The following MATN4 variants were observed in gnomAD, a reference collection of about 807,000 sequenced individuals.
The protein encoded by MATN4 is matrilin 4.
Under a neutral mutation model 54.6 loss-of-function variants are expected in MATN4, and 40 were observed. The observed-to-expected ratio is 0.73, with a 90% CI of 0.57 to 0.95. MATN4 has a LOEUF of 0.95. Among genes scored for constraint, MATN4 ranks in the 40% least tolerant of loss-of-function variants. The probability of loss-of-function intolerance (pLI) is 0.00; values close to 1 mark genes in which losing one functional copy is unlikely to be tolerated. For synonymous variants in MATN4, 351 were observed against 345.3 expected (o/e 1.02, Z -0.18); for missense variants, 810 against 819.1 (o/e 0.99, Z 0.13).
rs1178429274 is a variant in MATN4 at position 45,298,442 on chromosome 20, C to T, written c.1154G>A (p.Gly385Glu). Residue 385 changes from glycine to glutamate, a missense_variant, in exon 7 of 10, where the codon GGG becomes GAG. By Grantham distance (98) the Gly-to-Glu change is moderately conservative. Transcript: ENST00000372756. This position sits in a 1 kb window ranked among gnomAD's most constrained non-coding sequence, Gnocchi z 4.6. ...LDVSPEGTRV[G>E]LVQFSSRVRT... is the part of the protein sequence containing the mutation. ...CACGCGGCTCGAGAACTGCACCAGC[C>T]CCACCCGCGTGCCCTCGGGGGACAC... 6.2e-7 allele frequency: 1 copy of T among 1,613,700 alleles called. No homozygotes were observed. The highest frequency in any genetic ancestry group is 8.5e-7 in the Non-Finnish European group (1 of 1,180,012).
At position 45,304,416 on chromosome 20, in the gene MATN4, T is replaced by C. The variant is rs1007350033; in HGVS notation, c.455A>G (p.Asp152Gly). 7.9e-6 allele frequency: 12 copies of C among 1,526,992 alleles called. No individual in the cohort carries two copies. Among genetic ancestry groups the C allele is most frequent in the Non-Finnish European group, 1.1e-5 (12 of 1,134,056 alleles). The allele number at this position is 1,526,992 out of a possible 1,614,324, so 94.6% of individuals were successfully genotyped here. Residue 152 changes from aspartate to glycine, a missense_variant, in exon 3 of 10, where the codon GAC becomes GGC. Transcript: ENST00000372756. ...CTGTGCCGCCACCTCGGCCACGCGG[T>C]CCTGGGGCCGCCCGTCTGTCACGAT... The part of the protein sequence containing the change: ...AVIVTDGRPQ[D>G]RVAEVAAQAR...
At chr20:45,296,201 C>T (rs1436143134) in intron 8 of MATN4, among the ~76,000 whole-genome samples, 5 of 105,072 alleles carry the variant, frequency 4.8e-5, no homozygotes, top group African/African-American at 7.9e-5. Flanking sequence ...GATGACAGAG[C>T]GAGACTCCAT....
At chr20:45,307,370 C>T (rs1188727996) in intron 1 of MATN4, among the ~76,000 whole-genome samples, 1 of 152,200 alleles carries the variant, frequency 6.6e-6, no homozygotes, top group African/African-American at 2.4e-5. Flanking sequence ...CCCTTTTCCC[C>T]TCCCAGGCCT....
intron 8 of MATN4, among the ~76,000 whole-genome samples, chr20:45,294,432 T>C (rs1029327019): frequency 1.6e-4 from 25 of 152,242 alleles, no homozygotes; most frequent in African/African-American, 6.0e-4. Flanking sequence ...ATGATGCTGA[T>C]GCTCCTGGTC....
intron 8 of MATN4, among the ~76,000 whole-genome samples, chr20:45,296,370 A>C (rs1443051286): frequency 6.6e-6 from 1 of 152,152 alleles, no homozygotes; most frequent in Non-Finnish European, 1.5e-5. Context: ...AAACACTGCC[A>C]TAATGATTTA....
Position 45,300,963 on chromosome 20 carries a change from A to G in MATN4, c.936T>C (p.Cys312=). The change falls in exon 6 of 10, where the codon TGT becomes TGC. Residue 312 remains cysteine, a synonymous_variant. Coordinates refer to ENST00000372756, the MANE Select transcript of MATN4 (RefSeq NM_001393530.1). ...AGCGGTAGGAGAGGCCCTCGCTCAC[A>G]CACTGGAACTCACAGCCATGGTCCA... ...NGVDHGCEFQ[C]VSEGLSYRCL... 1 of 1,614,116 alleles carries G rather than the reference A, an allele frequency of 6.2e-7. No homozygotes were observed. The highest frequency in any genetic ancestry group is 1.1e-5 in the South Asian group (1 of 91,070).
chr20:45,308,633 C>T (rs1986961569), upstream of MATN4: 4 of 244,390 alleles, frequency 1.6e-5, no homozygotes, highest in Admixed American at 4.8e-5. Context: ...GCCTGGCTTT[C>T]GAGGGTGCGG....
Position 45,301,314 on chromosome 20 carries a change from T to C in MATN4, c.766+7A>G. 6.2e-7 allele frequency: 1 copy of C among 1,614,080 alleles called. No individual in the cohort carries two copies. Among genetic ancestry groups the C allele is most frequent in the Non-Finnish European group, 8.5e-7 (1 of 1,179,982 alleles). Reference sequence around the variant, plus strand: ...GGGTGTGGTGGGAGGGTGGGGGTGTTGCTCACCCCTGCAGCTCCTCTGGTC... The same window carrying C: ...GGGTGTGGTGGGAGGGTGGGGGTGTCGCTCACCCCTGCAGCTCCTCTGGTC... On this transcript the variant is annotated splice_region_variant and intron_variant, in intron 4 of 9. Coordinates refer to ENST00000372756, the MANE Select transcript of MATN4 (RefSeq NM_001393530.1).
In MATN4 at chr20:45,298,997, C is replaced by T. The variant is rs1236473807; in HGVS notation, c.1013-414G>A. ...CATGTGGTAGGTACTGGGTGAAGTG[C>T]TTATATATATTCTCAATCCTCCCAA... On this transcript the variant is annotated intron_variant, in intron 6 of 9. Coordinates refer to ENST00000372756, the MANE Select transcript of MATN4 (RefSeq NM_001393530.1). The surrounding 1 kb of genome is among the most constrained non-coding windows in gnomAD (Gnocchi z 4.6). Among the ~76,000 whole-genome samples the T allele has an allele frequency of 6.6e-6, 1 of 152,098 alleles. No homozygotes were observed. The highest frequency in any genetic ancestry group is 2.4e-5 in the African/African-American group (1 of 41,404).
chr20:45,304,708 G>T lies in MATN4; in HGVS notation c.163C>A (p.Gln55Lys). ...CCTCGGAGGAGGCCCATGAGGAACT[G>T]CCGCATGGTCTCGAACTCGAAAGGG... ...VRPFEFETMR[Q>K]FLMGLLRGLN... Residue 55 changes from glutamine to lysine, a missense_variant, in exon 3 of 10, where the codon CAG becomes AAG. Physicochemically the swap from Gln to Lys is moderately conservative, Grantham distance 53. Transcript: ENST00000372756. 1 of 1,612,360 alleles carries T rather than the reference G, an allele frequency of 6.2e-7. No homozygotes were observed. The highest frequency in any genetic ancestry group is 8.5e-7 in the Non-Finnish European group (1 of 1,178,998).
intron 1 of MATN4, among the ~76,000 whole-genome samples, chr20:45,306,512 C>A (rs2425691): frequency 0.26 from 39,219 of 152,134 alleles, 6,252 homozygotes; most frequent in East Asian, 0.74. Flanking sequence ...ACTCGCCAAC[C>A]CCCCCAGACC....
rs542005777 is a variant in MATN4 at position 45,307,620 on chromosome 20, T to C, written c.-35+555A>G. Among the ~76,000 whole-genome samples the C allele has an allele frequency of 1.1e-3, 163 of 152,314 alleles. 2 individuals carry two copies. The South Asian group carries it at 0.015, about 14-fold the overall frequency. ...CTTGGTTAAGGTTCCCCTCATCCCA[T>C]TCTTGGTCTGAGCCAACTTCTCACC... On this transcript the variant is annotated intron_variant, in intron 1 of 9. Transcript: ENST00000372756.
Position 45,298,176 on chromosome 20 carries a change from C to A in MATN4, c.1420G>T (p.Glu474Ter). 6.3e-7 allele frequency: 1 copy of A among 1,596,496 alleles called. No individual in the cohort carries two copies. Among genetic ancestry groups the A allele is most frequent in the East Asian group, 2.2e-5 (1 of 44,470 alleles). ...TGTCCCATGCCAAGCCCACCTTCCTCCTTGGCGCGCGCTGCCCACACCGAG... is the reference window on the plus strand; with the variant it reads ...TGTCCCATGCCAAGCCCACCTTCCTACTTGGCGCGCGCTGCCCACACCGAG... ...DISVWAARAK[E>*]EGIVMYAVGV... Residue 474 changes from glutamate (E) to a stop codon, truncating the protein, a stop_gained, in exon 7 of 10, where the codon GAG becomes TAG. Transcript: ENST00000372756. LOFTEE classifies it high-confidence loss of function. This position sits in a 1 kb window ranked among gnomAD's most constrained non-coding sequence, Gnocchi z 4.6.
In MATN4 at chr20:45,298,098, C is replaced by T. The variant is rs1322496411; in HGVS notation, c.1427-28G>A. 1 of 1,605,782 alleles carries T rather than the reference C, an allele frequency of 6.2e-7. No individual in the cohort carries two copies. The highest frequency in any genetic ancestry group is 8.5e-7 in the Non-Finnish European group (1 of 1,174,052). Reference sequence around the variant, plus strand: ...GCAAGGCCGGGGTCTCAGAGGGTGCCCCAGGCCTCGGGAAAGCTGCCTCCC... The same window carrying T: ...GCAAGGCCGGGGTCTCAGAGGGTGCTCCAGGCCTCGGGAAAGCTGCCTCCC... On this transcript the variant is annotated intron_variant, in intron 7 of 9. Coordinates refer to ENST00000372756, the MANE Select transcript of MATN4 (RefSeq NM_001393530.1). This position sits in a 1 kb window ranked among gnomAD's most constrained non-coding sequence, Gnocchi z 4.6.
At position 45,298,449 on chromosome 20, in the gene MATN4, G is replaced by A. The variant is rs747225057; in HGVS notation, c.1147C>T (p.Arg383Trp). 6.2e-7 allele frequency: 1 copy of A among 1,613,666 alleles called. No homozygotes were observed. The highest frequency in any genetic ancestry group is 8.5e-7 in the Non-Finnish European group (1 of 1,180,004). Residue 383 changes from arginine (R) to tryptophan (W), a missense_variant, in exon 7 of 10, where the codon CGG becomes TGG. Physicochemically the swap from Arg to Trp is moderately radical, Grantham distance 101. Transcript: ENST00000372756. This position sits in a 1 kb window ranked among gnomAD's most constrained non-coding sequence, Gnocchi z 4.6. ...CTCGAGAACTGCACCAGCCCCACCC[G>A]CGTGCCCTCGGGGGACACATCTAGG... The part of the protein sequence containing the change: ...DFLDVSPEGT[R>W]VGLVQFSSRV...
upstream of MATN4, chr20:45,308,528 C>T (rs1325532023): frequency 4.2e-6 from 2 of 480,002 alleles, no homozygotes; most frequent in Admixed American, 6.7e-5. Context: ...GGCAGCCACA[C>T]TCCACAGCCG....
At position 45,298,259 on chromosome 20, in the gene MATN4, G is replaced by T. The variant is rs1985987504; in HGVS notation, c.1337C>A (p.Ala446Asp). Residue 446 changes from alanine (A) to aspartate (D), a missense_variant, in exon 7 of 10, where the codon GCC becomes GAC. Ala to Asp is a moderately radical substitution (Grantham distance 126). Coordinates refer to ENST00000372756, the MANE Select transcript of MATN4 (RefSeq NM_001393530.1). This position sits in a 1 kb window ranked among gnomAD's most constrained non-coding sequence, Gnocchi z 4.6. ...CAGGCCAACACGAGGCACGTTAAGG[G>T]CACGGGGCCGTGCACCCTGCGCCTC... ...FSEAQGARPR[A>D]LNVPRVGLVF... 1 of 1,613,172 alleles carries T rather than the reference G, an allele frequency of 6.2e-7. No homozygotes were observed. Among genetic ancestry groups the T allele is most frequent in the African/African-American group, 1.3e-5 (1 of 75,048 alleles).
chr20:45,294,072 C>T, intron 8 of MATN4, 57 bp from the exon 9 acceptor site: 7 of 1,356,802 alleles, frequency 5.2e-6, no homozygotes, highest in Non-Finnish European at 7.2e-6. Flanking sequence ...CTTTGGCCCT[C>T]TGATTTCCCT....
intron 1 of MATN4, chr20:45,306,994 A>G: frequency 8.8e-7 from 1 of 1,139,362 alleles, no homozygotes; most frequent in Non-Finnish European, 1.1e-6. Flanking sequence ...GAGAACTACG[A>G]AGGACCACCC....
Sources: gnomAD v4.1 joint callset for allele counts (sites outside exome capture counted in the v4.1 genomes callset) on GRCh38, gnomAD v4.1.1 for gene constraint, Gnocchi (gnomAD v3.1) non-coding constraint, MANE v1.5 for transcripts, NCBI Gene and HGNC (gene_info 2026-07-23, HGNC 2026-07-21) for gene names.